WNT3: variants seen among roughly 807,000 people sequenced by gnomAD.
WNT3 encodes the protein Wnt family member 3.
In WNT3, 7 loss-of-function variants were observed where a neutral mutation model predicts 34.2. The ratio of observed to expected loss-of-function variants is 0.20; its 90% confidence interval spans 0.12 to 0.38. The LOEUF (loss-of-function observed/expected upper bound fraction) is 0.38, where lower values mean the gene tolerates loss of function less well. Ranked by LOEUF, WNT3 falls within the 10% of genes least tolerant of loss-of-function variation. The pLI, the probability that WNT3 is intolerant of heterozygous loss-of-function variation, is 1.00. For missense variants in WNT3, 267 were observed against 499.8 expected, an observed-to-expected ratio of 0.53 and a Z score of 4.44; for synonymous variants, 212 against 211.5, an observed-to-expected ratio of 1.00 and a Z score of -0.02.
intron 2 of WNT3, among the ~76,000 whole-genome samples, chr17:46,771,860 C>A (rs1163318773): frequency 1.4e-5 from 2 of 144,926 alleles, no homozygotes; most frequent in East Asian, 2.0e-4. Context: ...CTTTTCAGGC[C>A]GCCCAGGCCC....
At chr17:46,770,546 T>C (rs142622526) in intron 2 of WNT3, among the ~76,000 whole-genome samples, 1 of 151,904 alleles carries the variant, frequency 6.6e-6, no homozygotes, top group Non-Finnish European at 1.5e-5. Context: ...CGTGGATGCA[T>C]AGGGACGGCC....
intron 1 of WNT3, among the ~76,000 whole-genome samples, chr17:46,791,630 TG>T (rs1409539805): frequency 3.2e-4 from 48 of 152,214 alleles, no homozygotes; most frequent in Non-Finnish European, 2.8e-4. Flanking sequence ...AGGCATGCCC[TG>T]GTAAGGGTGC....
chr17:46,766,830 G>T (rs986154369), intron 4 of WNT3, among the ~76,000 whole-genome samples: 3 of 152,112 alleles, frequency 2.0e-5, no homozygotes, highest in African/African-American at 7.2e-5. Flanking sequence ...GGCTGCTCTC[G>T]CCCAGCAGCA....
At chr17:46,774,052 C>A (rs1021092843) in intron 1 of WNT3, 143 bp from the exon 2 acceptor site, 1 of 1,243,034 alleles carries the variant, frequency 8.0e-7, no homozygotes. Flanking sequence ...TACCTTTGAC[C>A]TCGGGAGCAT....
At chr17:46,817,416 T>G (rs2084366487) in intron 1 of WNT3, among the ~76,000 whole-genome samples, 1 of 152,142 alleles carries the variant, frequency 6.6e-6, no homozygotes, top group Non-Finnish European at 1.5e-5. Context: ...GAGGGGAAGA[T>G]TCTTTAATTA....
chr17:46,791,629 C>T (rs187124593), intron 1 of WNT3, among the ~76,000 whole-genome samples: 87 of 152,362 alleles, frequency 5.7e-4, no homozygotes, highest in Admixed American at 3.3e-3. Flanking sequence ...CAGGCATGCC[C>T]TGGTAAGGGT....
At chr17:46,780,237 T>A (rs1276308508) in intron 1 of WNT3, among the ~76,000 whole-genome samples, 2 of 152,136 alleles carry the variant, frequency 1.3e-5, no homozygotes, top group Non-Finnish European at 2.9e-5. Context: ...TGACGGCCAA[T>A]CCCCTGCTGA....
At chr17:46,786,563 C>T (rs768496638) in intron 1 of WNT3, among the ~76,000 whole-genome samples, 6 of 152,246 alleles carry the variant, frequency 3.9e-5, no homozygotes, top group Non-Finnish European at 8.8e-5. Context: ...GGGAGCAGCT[C>T]CCAAGGACAC....
At chr17:46,776,500 C>T (rs1027830733) in intron 1 of WNT3, among the ~76,000 whole-genome samples, 1 of 152,174 alleles carries the variant, frequency 6.6e-6, no homozygotes, top group South Asian at 2.1e-4. Context: ...GTCCCATTTC[C>T]AAGATGAGGA....
At chr17:46,775,118 T>G (rs1414133545) in intron 1 of WNT3, among the ~76,000 whole-genome samples, 1 of 152,256 alleles carries the variant, frequency 6.6e-6, no homozygotes, top group Non-Finnish European at 1.5e-5. Context: ...GCTTCTGGGC[T>G]GGACACAGGG....
intron 1 of WNT3, among the ~76,000 whole-genome samples, chr17:46,785,870 C>T (rs1227063849): frequency 1.4e-5 from 2 of 143,180 alleles, no homozygotes; most frequent in Non-Finnish European, 3.1e-5. Context: ...GTGTGGAGGG[C>T]GGGGCAGTGC....
chr17:46,811,905 CA>C (rs1358801411), intron 1 of WNT3, among the ~76,000 whole-genome samples: 1 of 152,084 alleles, frequency 6.6e-6, no homozygotes, highest in Non-Finnish European at 1.5e-5. Flanking sequence ...TGCAGTGAGC[CA>C]AGATTGTGCC....
intron 4 of WNT3, among the ~76,000 whole-genome samples, chr17:46,767,843 C>G (rs1163188008): frequency 6.6e-6 from 1 of 151,868 alleles, no homozygotes; most frequent in East Asian, 1.9e-4. Flanking sequence ...GGATGGAGTC[C>G]AGTGGTGCAA....
intron 1 of WNT3, among the ~76,000 whole-genome samples, chr17:46,814,312 C>T (rs534623132): frequency 6.6e-6 from 1 of 152,336 alleles, no homozygotes; most frequent in Admixed American, 6.5e-5. Context: ...TCAGCTCAGG[C>T]TCTTGGTATT....
chr17:46,806,626 G>T (rs1407779315), intron 1 of WNT3, among the ~76,000 whole-genome samples: 2 of 152,364 alleles, frequency 1.3e-5, no homozygotes, highest in South Asian at 2.1e-4. Flanking sequence ...GCAGAGAAAG[G>T]CTCCAGAATC....
At chr17:46,812,403 A>G (rs572200534) in intron 1 of WNT3, among the ~76,000 whole-genome samples, 4 of 152,022 alleles carry the variant, frequency 2.6e-5, no homozygotes, top group East Asian at 1.9e-4. Flanking sequence ...CCTTCCGACT[A>G]TAAATCACCT....
chr17:46,773,643 C>G (rs1330213852), intron 2 of WNT3, 25 bp downstream of exon 2: 3 of 1,105,208 alleles, frequency 2.7e-6, no homozygotes, highest in Non-Finnish European at 3.7e-6. Context: ...CAGCCCCTCC[C>G]CCCCCCTCAG....
intron 1 of WNT3, among the ~76,000 whole-genome samples, chr17:46,792,632 C>G (rs1211389615): frequency 6.6e-6 from 1 of 152,092 alleles, no homozygotes; most frequent in East Asian, 1.9e-4. Context: ...TGCCACCACA[C>G]CTGGCTAATT....
At chr17:46,817,765 A>C (rs2084371843) in intron 1 of WNT3, among the ~76,000 whole-genome samples, 1 of 152,176 alleles carries the variant, frequency 6.6e-6, no homozygotes, top group East Asian at 1.9e-4. Context: ...AAAAGGAAGA[A>C]ATGTGACATG....
Sources: allele counts gnomAD v4.1 joint callset (sites outside exome capture counted in the v4.1 genomes callset), GRCh38; gene constraint gnomAD v4.1.1; transcripts MANE v1.5; gene names NCBI Gene and HGNC (gene_info 2026-07-23, HGNC 2026-07-21).